MYRFL: variants seen among roughly 807,000 people sequenced by gnomAD.
The protein encoded by MYRFL is myelin regulatory factor-like protein.
Under a neutral mutation model 109.4 loss-of-function variants are expected in MYRFL, and 88 were observed. That is an observed-to-expected ratio of 0.80 (90% CI 0.68 to 0.96). The LOEUF (loss-of-function observed/expected upper bound fraction) is 0.96, where lower values mean the gene tolerates loss of function less well. Ranked by LOEUF, MYRFL falls within the 40% of genes least tolerant of loss-of-function variation. The pLI is 0.00. For synonymous variants in MYRFL, 324 were observed against 320.9 expected (o/e 1.01, Z -0.10); for missense variants, 957 against 954.9 (o/e 1.00, Z -0.03).
At chr12:69,827,948 T>A (rs951664579) in intron 1 of MYRFL, among the ~76,000 whole-genome samples, 1 of 152,102 alleles carries the variant, frequency 6.6e-6, no homozygotes, top group African/African-American at 2.4e-5. Flanking sequence ...CTTGGAGTGA[T>A]AGGATTATGA....
At chr12:69,879,774 CGA>C (rs922837095) in intron 4 of MYRFL, among the ~76,000 whole-genome samples, 8 of 152,186 alleles carry the variant, frequency 5.3e-5, no homozygotes, top group Non-Finnish European at 8.8e-5. Context: ...ATGAGCTCTC[CGA>C]GAAATATCTG....
intron 19 of MYRFL, among the ~76,000 whole-genome samples, chr12:69,942,545 A>G (rs1955691688): frequency 6.8e-6 from 1 of 146,990 alleles, no homozygotes; most frequent in Non-Finnish European, 1.5e-5. Flanking sequence ...TCAAAATAAT[A>G]AGAGCTATCT....
chr12:69,828,955 G>A (rs981853021), intron 1 of MYRFL, among the ~76,000 whole-genome samples: 1 of 152,120 alleles, frequency 6.6e-6, no homozygotes, highest in Admixed American at 6.6e-5. Flanking sequence ...TCTTCATCCT[G>A]AAGTAGGTGC....
Position 69,882,429 on chromosome 12 carries a change from A to G in MYRFL, c.556+2137A>G, listed in dbSNP as rs185087107. 4.2e-3 allele frequency among the ~76,000 whole-genome samples: 641 copies of G among 152,328 alleles called. 2 individuals are homozygous for G. Among genetic ancestry groups the G allele is most frequent in the Non-Finnish European group, 6.3e-3 (430 of 68,012 alleles). On this transcript the variant is annotated intron_variant, in intron 5 of 24. Transcript: ENST00000552032. ...GTCAATAATTCCTATTTGATGTTGC[A>G]GGGGCCAACATTTCTACAAAGGTCC...
intron 15 of MYRFL, among the ~76,000 whole-genome samples, chr12:69,930,422 G>A (rs531666811): frequency 1.3e-5 from 2 of 152,242 alleles, no homozygotes; most frequent in South Asian, 4.2e-4. Flanking sequence ...CCAAGAGGTA[G>A]GTGGGTCATT....
chr12:69,902,311 A>G (rs1181814774), intron 10 of MYRFL, among the ~76,000 whole-genome samples: 2 of 152,242 alleles, frequency 1.3e-5, no homozygotes, highest in Admixed American at 1.3e-4. Flanking sequence ...CTTTAAACCC[A>G]AACTAAGAAA....
chr12:69,883,380 A>C lies in MYRFL; in HGVS notation c.556+3088A>C, dbSNP rs567184144. ...TGTGTACATATGCCCACCAAAAGAC[A>C]TTCATAAGAATGTCCAGAGCAGCAT... On this transcript the variant is annotated intron_variant, in intron 5 of 24. Transcript: ENST00000552032. Among the ~76,000 whole-genome samples, 325 of 152,326 alleles carry C rather than the reference A, an allele frequency of 2.1e-3. 2 individuals carry two copies. Among genetic ancestry groups the C allele is most frequent in the Middle Eastern group, 3.4e-3 (1 of 294 alleles).
chr12:69,874,930 T>C (rs536088486), intron 2 of MYRFL, among the ~76,000 whole-genome samples: 167 of 151,746 alleles, frequency 1.1e-3, no homozygotes, highest in African/African-American at 4.0e-3. Flanking sequence ...GTATTTATTT[T>C]GCTGAGCTTC....
At chr12:69,863,835 G>C (rs1254752841) in intron 2 of MYRFL, among the ~76,000 whole-genome samples, 3 of 152,084 alleles carry the variant, frequency 2.0e-5, no homozygotes, top group Non-Finnish European at 4.4e-5. Context: ...GAGCAGATTT[G>C]TTGGTGATAG....
chr12:69,958,797 A>G lies in MYRFL; in HGVS notation c.*266A>G, dbSNP rs1229906168. On this transcript the variant is annotated 3_prime_UTR_variant, in exon 25 of 25. Coordinates refer to ENST00000552032, the MANE Select transcript of MYRFL (RefSeq NM_182530.3). The stretch of plus-strand genomic sequence containing the variant: ...TGGAGCAAACAGTTCTGTTGAATTT[A>G]AAAATACTATTATTTCTGGTATTAA... 7 of 354,136 alleles carry G rather than the reference A, an allele frequency of 2.0e-5. No individual in the cohort carries two copies. In the South Asian group the frequency reaches 3.5e-4, roughly 18 times the overall value. The allele number at this position is 354,136 out of a possible 1,614,324, so 21.9% of individuals were successfully genotyped here. A position where few individuals can be genotyped will look rare whatever the true frequency, so the allele number is the denominator to read the frequency against.
intron 2 of MYRFL, among the ~76,000 whole-genome samples, chr12:69,863,218 G>T (rs1273882674): frequency 6.6e-6 from 1 of 152,080 alleles, no homozygotes; most frequent in South Asian, 2.1e-4. Flanking sequence ...TCTCTTTTTT[G>T]GTTGTGTCTC....
At chr12:69,914,954 C>T (rs1954687067) in intron 13 of MYRFL, among the ~76,000 whole-genome samples, 1 of 152,180 alleles carries the variant, frequency 6.6e-6, no homozygotes. Flanking sequence ...TGAACATCTC[C>T]CCACTCTGAT....
chr12:69,956,470 T>C (rs1956098650), intron 22 of MYRFL, among the ~76,000 whole-genome samples: 1 of 152,240 alleles, frequency 6.6e-6, no homozygotes, highest in South Asian at 2.1e-4. Flanking sequence ...TAAAAAATTA[T>C]GCAATGAGCT....
intron 1 of MYRFL, among the ~76,000 whole-genome samples, chr12:69,842,949 A>C (rs1883328791): frequency 6.6e-6 from 1 of 152,216 alleles, no homozygotes; most frequent in Non-Finnish European, 1.5e-5. Context: ...ATTTCAGGAC[A>C]CAGAATGAAC....
intron 5 of MYRFL, among the ~76,000 whole-genome samples, chr12:69,881,159 T>A (rs1886081795): frequency 6.6e-6 from 1 of 152,004 alleles, no homozygotes; most frequent in Admixed American, 6.6e-5. Context: ...TTTGTAAAGA[T>A]GGGTTTCACT....
intron 2 of MYRFL, among the ~76,000 whole-genome samples, chr12:69,860,968 G>T (rs200208551): frequency 2.1e-5 from 3 of 141,588 alleles, no homozygotes; most frequent in African/African-American, 7.9e-5. Context: ...TCATTGTTCA[G>T]TTCCCACCTA....
In MYRFL at chr12:69,917,986, G is replaced by A. The variant is rs1421504727; in HGVS notation, c.1602+7056G>A. On this transcript the variant is annotated intron_variant, in intron 13 of 24. Coordinates refer to ENST00000552032, the MANE Select transcript of MYRFL (RefSeq NM_182530.3). ...GGGTAGAGAGGAAGCTGCAGCCATG[G>A]ATGAAGATGTTAATTAAGGAGGGAA... is the stretch of plus-strand genomic sequence containing the variant. Among the ~76,000 whole-genome samples the A allele has an allele frequency of 2.6e-5, 4 of 152,074 alleles. No individual in the cohort carries two copies. In the East Asian group the frequency reaches 5.8e-4, roughly 22 times the overall value.
At chr12:69,825,618 C>T in intron 1 of MYRFL, 55 bp downstream of exon 1, 1 of 688,284 alleles carries the variant, frequency 1.5e-6, no homozygotes, top group Non-Finnish European at 2.6e-6. Flanking sequence ...GCTCACTATC[C>T]CTGTTTCACC....
rs567974876 is a variant in MYRFL at position 69,933,895 on chromosome 12, C to CTGTT, written c.1916+1299_1916+1302dup. 2.8e-4 allele frequency among the ~76,000 whole-genome samples: 43 copies of CTGTT among 152,174 alleles called. No individual in the cohort carries two copies. The East Asian group carries it at 5.6e-3, about 20-fold the overall frequency. On this transcript the variant is annotated intron_variant, in intron 16 of 24. Coordinates refer to ENST00000552032, the MANE Select transcript of MYRFL (RefSeq NM_182530.3). ...TTAGGTCGTCTTATTTTTTCCAATA[C>CTGTT]TGTTTACCACTAAGACTGTAGATGG...
Sources: gnomAD v4.1 joint callset for allele counts (sites outside exome capture counted in the v4.1 genomes callset) on GRCh38, gnomAD v4.1.1 for gene constraint, MANE v1.5 for transcripts, NCBI Gene and HGNC (gene_info 2026-07-23, HGNC 2026-07-21) for gene names.